The following LMBR1 variants were observed in gnomAD, a reference collection of about 807,000 sequenced individuals.
LMBR1 encodes the protein limb region 1 protein homolog.
LMBR1 carries 52 observed loss-of-function variants against 73.9 expected under a neutral mutation model. The ratio of observed to expected loss-of-function variants is 0.70; its 90% confidence interval spans 0.56 to 0.89. The LOEUF (loss-of-function observed/expected upper bound fraction) is 0.89, where lower values mean the gene tolerates loss of function less well. Ranked by LOEUF, LMBR1 falls within the 40% of genes least tolerant of loss-of-function variation. The pLI, the probability that LMBR1 is intolerant of heterozygous loss-of-function variation, is 0.00. For synonymous variants in LMBR1, 215 were observed against 209.4 expected (o/e 1.03, Z -0.23); for missense variants, 539 against 579.8 (o/e 0.93, Z 0.72).
intron 4 of LMBR1, among the ~76,000 whole-genome samples, chr7:156,808,986 A>G (rs1479231121): frequency 6.6e-6 from 1 of 152,208 alleles, no homozygotes; most frequent in Non-Finnish European, 1.5e-5. Context: ...TTGTACATCT[A>G]TAATAAAATT....
chr7:156,788,263 C>T (rs1189322304), intron 5 of LMBR1, among the ~76,000 whole-genome samples: 3 of 152,086 alleles, frequency 2.0e-5, no homozygotes, highest in Non-Finnish European at 4.4e-5. Flanking sequence ...AGCAAAACCC[C>T]ATTTCTTTAA....
chr7:156,864,002 A>C (rs1050281349), intron 1 of LMBR1, among the ~76,000 whole-genome samples: 2 of 152,014 alleles, frequency 1.3e-5, no homozygotes, highest in Non-Finnish European at 2.9e-5. Flanking sequence ...ATACAAAAAA[A>C]AATTAGCCAG....
intron 4 of LMBR1, among the ~76,000 whole-genome samples, chr7:156,824,093 AAACAACAACAAC>A (rs71522057): frequency 3.9e-4 from 59 of 150,204 alleles, no homozygotes; most frequent in African/African-American, 9.6e-4. Context: ...CCATCTCAAA[AAACAACAACAAC>A]AACAACAACA....
At chr7:156,675,481 C>T (rs1803674950), downstream of LMBR1, among the ~76,000 whole-genome samples, 1 of 152,170 alleles carries the variant, frequency 6.6e-6, no homozygotes, top group Admixed American at 6.5e-5. Flanking sequence ...GTAGTGTGTT[C>T]TGGACTCCAT....
intron 1 of LMBR1, among the ~76,000 whole-genome samples, chr7:156,854,245 C>A (rs571990104): frequency 3.9e-5 from 6 of 152,298 alleles, no homozygotes; most frequent in African/African-American, 1.4e-4. Flanking sequence ...TGTACAGAAG[C>A]CTGCTGCTAG....
chr7:156,864,352 TATG>T (rs1798154036), intron 1 of LMBR1, among the ~76,000 whole-genome samples: 2 of 152,172 alleles, frequency 1.3e-5, no homozygotes, highest in Admixed American at 6.5e-5. Context: ...CAGCAGCCTA[TATG>T]ATAATTGTAA....
At chr7:156,798,874 T>C (rs10273333) in intron 4 of LMBR1, among the ~76,000 whole-genome samples, 113,435 of 151,886 alleles carry the variant, frequency 0.75, 42,855 homozygotes, top group African/African-American at 0.88. Context: ...AAATATCTCA[T>C]AGTCTTTTTA....
At chr7:156,675,274 A>G (rs1289719645), downstream of LMBR1, among the ~76,000 whole-genome samples, 1 of 152,222 alleles carries the variant, frequency 6.6e-6, no homozygotes, top group African/African-American at 2.4e-5. Context: ...GAACCACGGC[A>G]AGGCCTGTGT....
At chr7:156,795,498 A>T (rs1052119998) in intron 5 of LMBR1, among the ~76,000 whole-genome samples, 1 of 152,206 alleles carries the variant, frequency 6.6e-6, no homozygotes, top group African/African-American at 2.4e-5. Context: ...ATCAAAAGTT[A>T]TGTTTCCAAA....
chr7:156,805,535 A>T (rs1831880344), intron 4 of LMBR1, among the ~76,000 whole-genome samples: 1 of 152,204 alleles, frequency 6.6e-6, no homozygotes, highest in South Asian at 2.1e-4. Flanking sequence ...AGTCTTGATT[A>T]CTGTAGCTTT....
chr7:156,873,261 G>C (rs888751533), intron 1 of LMBR1, among the ~76,000 whole-genome samples: 12 of 152,138 alleles, frequency 7.9e-5, no homozygotes, highest in African/African-American at 2.9e-4. Context: ...TTCGCGGTGA[G>C]TGTTACAGCT....
intron 1 of LMBR1, among the ~76,000 whole-genome samples, chr7:156,841,863 C>T (rs757838288): frequency 2.0e-5 from 3 of 151,634 alleles, no homozygotes; most frequent in South Asian, 2.1e-4. Context: ...GGGATTGTGA[C>T]GTGTTTTTTT....
At chr7:156,736,780 T>C (rs1817953527) in intron 9 of LMBR1, among the ~76,000 whole-genome samples, 1 of 152,216 alleles carries the variant, frequency 6.6e-6, no homozygotes, top group Non-Finnish European at 1.5e-5. Context: ...CAGCTTTCCT[T>C]CTTTCCTTAA....
At position 156,727,937 on chromosome 7, in the gene LMBR1, C is replaced by G. The variant is rs769108492; in HGVS notation, c.986G>C (p.Gly329Ala). Residue 329 changes from glycine (G) to alanine (A), a missense_variant, in exon 12 of 17, where the codon GGA becomes GCA. By Grantham distance (60) the Gly-to-Ala change is moderately conservative. Transcript: ENST00000353442. ...TAAAGGATTTTACTTTACCCTTGTT[C>G]CTTTTGGCATTGCTGTTTCATCAAC... is the stretch of plus-strand genomic sequence containing the variant. Reference protein sequence around the residue: ...LLVDETAMPKGTRGPGIGNAS... With the variant: ...LLVDETAMPKATRGPGIGNAS... 3.1e-6 allele frequency: 5 copies of G among 1,611,296 alleles called. No homozygotes were observed. The highest frequency in any genetic ancestry group is 1.7e-6 in the Non-Finnish European group (2 of 1,178,062).
chr7:156,794,439 T>C (rs771159182), intron 5 of LMBR1, among the ~76,000 whole-genome samples: 10 of 152,112 alleles, frequency 6.6e-5, no homozygotes, highest in Non-Finnish European at 1.0e-4. Context: ...GTCACTGGGA[T>C]TTTTTGTCAT....
chr7:156,809,476 T>C (rs966357046), intron 4 of LMBR1, among the ~76,000 whole-genome samples: 2 of 152,234 alleles, frequency 1.3e-5, no homozygotes, highest in African/African-American at 4.8e-5. Context: ...ATGCATATCC[T>C]CCTATATACT....
chr7:156,724,062 A>G (rs1224973743), intron 15 of LMBR1, 50 bp downstream of exon 15: 1 of 1,309,256 alleles, frequency 7.6e-7, no homozygotes, highest in Admixed American at 1.8e-5. Flanking sequence ...CAGTAAAGAC[A>G]GTTTTTAAAA....
chr7:156,808,559 G>C (rs1171166993), intron 4 of LMBR1, among the ~76,000 whole-genome samples: 4 of 152,122 alleles, frequency 2.6e-5, no homozygotes, highest in Admixed American at 2.6e-4. Flanking sequence ...GTAGTGTTTA[G>C]AACATTACAT....
At chr7:156,747,390 T>C (rs1472622230) in intron 9 of LMBR1, among the ~76,000 whole-genome samples, 1 of 152,138 alleles carries the variant, frequency 6.6e-6, no homozygotes, top group Non-Finnish European at 1.5e-5. Flanking sequence ...TAACAGAATT[T>C]CCCAAAGTCC....
Sources: gnomAD v4.1 joint callset for allele counts (sites outside exome capture counted in the v4.1 genomes callset) on GRCh38, gnomAD v4.1.1 for gene constraint, MANE v1.5 for transcripts, NCBI Gene and HGNC (gene_info 2026-07-23, HGNC 2026-07-21) for gene names.